Variants in ESRRB observed in about 807,000 individuals in gnomAD.
ESRRB encodes the protein estrogen related receptor beta, also known as steroid hormone receptor ERR2.
ESRRB carries 16 observed loss-of-function variants against 46.0 expected under a neutral mutation model. The ratio of observed to expected loss-of-function variants is 0.35; its 90% CI spans 0.24 to 0.53. The LOEUF (loss-of-function observed/expected upper bound fraction) is 0.53. Among genes scored for constraint, ESRRB ranks in the 20% least tolerant of loss-of-function variants. The pLI is 0.93. For missense variants in ESRRB, 488 were observed against 607.4 expected (o/e 0.80, Z 2.07); for synonymous variants, 246 against 259.6 (o/e 0.95, Z 0.50).
Position 76,439,737 on chromosome 14 carries a change from G to A in ESRRB, c.447G>A (p.Lys149=), listed in dbSNP as rs760684578. ...GCGAGGCTTGCAAGGCCTTCTTCAAGAGGACTATCCAAGGTGCGTGGTGGG... is the reference window on the plus strand; with the variant it reads ...GCGAGGCTTGCAAGGCCTTCTTCAAAAGGACTATCCAAGGTGCGTGGTGGG... ...ASCEACKAFF[K]RTIQGNIEYS... Residue 149 remains lysine (K), a synonymous_variant, in exon 2 of 7, where the codon AAG becomes AAA. Coordinates refer to ENST00000644823, the MANE Select transcript of ESRRB (RefSeq NM_001379180.1). The A allele has an allele frequency of 5.6e-6, 9 of 1,613,848 alleles. No individual in the cohort carries two copies. In the South Asian group the frequency reaches 9.9e-5, roughly 18 times the overall value.
At position 76,500,582 on chromosome 14, in the gene ESRRB, G is replaced by A. The variant is rs1890625149; in HGVS notation, c.*2124G>A. 1 of 1,025,672 alleles carries A rather than the reference G, an allele frequency of 9.7e-7. No individual in the cohort carries two copies. Among genetic ancestry groups the A allele is most frequent in the South Asian group, 1.3e-5 (1 of 78,634 alleles). 63.5% of individuals were successfully genotyped at this position (1,025,672 alleles called of 1,614,324 possible). On this transcript the variant is annotated 3_prime_UTR_variant, in exon 7 of 7. Transcript: ENST00000644823. ...CTCCCTCAGTCTCTCACTGTGCTGT[G>A]TCCTTGCAGCGGGGCCGAGGTAGCA...
intron 1 of ESRRB, among the ~76,000 whole-genome samples, chr14:76,361,400 A>T (rs1014966984): frequency 6.6e-6 from 1 of 152,202 alleles, no homozygotes; most frequent in Non-Finnish European, 1.5e-5. Flanking sequence ...AATAGCCATT[A>T]TCTCTCCATT....
Position 76,376,583 on chromosome 14 carries a change from A to G in ESRRB, c.50+132A>G. 1 of 569,072 alleles carries G rather than the reference A, an allele frequency of 1.8e-6. No homozygotes were observed. Among genetic ancestry groups the G allele is most frequent in the Non-Finnish European group, 2.6e-6 (1 of 382,650 alleles). 35.3% of individuals were successfully genotyped at this position (569,072 alleles called of 1,614,324 possible). On this transcript the variant is annotated intron_variant, in intron 1 of 6. Coordinates refer to ENST00000644823, the MANE Select transcript of ESRRB (RefSeq NM_001379180.1). This position sits in a 1 kb window ranked among gnomAD's most constrained non-coding sequence, Gnocchi z 4.1. Reference sequence around the variant, plus strand: ...ACTTCGGGGGGGCACTTGGGGGACGAAGGAGGGGAAAAGCCGCACACTTCT... The same window carrying G: ...ACTTCGGGGGGGCACTTGGGGGACGGAGGAGGGGAAAAGCCGCACACTTCT...
At chr14:76,438,123 TGA>T (rs1887753619) in intron 1 of ESRRB, among the ~76,000 whole-genome samples, 1 of 151,512 alleles carries the variant, frequency 6.6e-6, no homozygotes, top group Non-Finnish European at 1.5e-5. Flanking sequence ...GGAAGGGAAA[TGA>T]GAGAGGGAGG....
intron 1 of ESRRB, among the ~76,000 whole-genome samples, chr14:76,425,328 G>T (rs562619848): frequency 3.3e-5 from 5 of 152,194 alleles, no homozygotes; most frequent in African/African-American, 1.2e-4. Context: ...TGAGCAAGAT[G>T]TAAATATTTG....
chr14:76,480,796 G>A (rs1164882908), intron 3 of ESRRB, among the ~76,000 whole-genome samples: 1 of 152,244 alleles, frequency 6.6e-6, no homozygotes, highest in Non-Finnish European at 1.5e-5. Context: ...TCAACTGACT[G>A]GGGCTCTGTG....
chr14:76,455,654 T>C (rs1888574313), intron 2 of ESRRB, among the ~76,000 whole-genome samples: 1 of 152,178 alleles, frequency 6.6e-6, no homozygotes, highest in South Asian at 2.1e-4. Flanking sequence ...AGAGGTAAAA[T>C]CGGCAATACC....
chr14:76,317,000 G>T (rs1191632516), intron 1 of ESRRB, among the ~76,000 whole-genome samples: 1 of 152,126 alleles, frequency 6.6e-6, no homozygotes, highest in Non-Finnish European at 1.5e-5. Context: ...CTCTGGTCCC[G>T]GGTGGTACAC....
At chr14:76,464,018 A>G (rs916069016) in intron 3 of ESRRB, among the ~76,000 whole-genome samples, 12 of 152,164 alleles carry the variant, frequency 7.9e-5, no homozygotes, top group African/African-American at 1.4e-4. Context: ...TTTCAGTTTG[A>G]GGAACCTTGT....
At chr14:76,343,866 G>A (rs1458469982) in intron 1 of ESRRB, among the ~76,000 whole-genome samples, 1 of 152,248 alleles carries the variant, frequency 6.6e-6, no homozygotes, top group Non-Finnish European at 1.5e-5. Context: ...TTTCAGCCAT[G>A]AACTACAGAA....
At chr14:76,443,945 G>A (rs73318363) in intron 2 of ESRRB, among the ~76,000 whole-genome samples, 1 of 152,318 alleles carries the variant, frequency 6.6e-6, no homozygotes, top group African/African-American at 2.4e-5. Flanking sequence ...AGAGTTTCAA[G>A]TTCGTAACCA....
intron 2 of ESRRB, among the ~76,000 whole-genome samples, chr14:76,460,690 A>G (rs1341997147): frequency 1.3e-5 from 2 of 149,144 alleles, no homozygotes; most frequent in Admixed American, 6.7e-5. Flanking sequence ...GCTGTTCTTC[A>G]TTTGTACGTT....
chr14:76,485,531 C>G (rs1021661345), intron 5 of ESRRB, among the ~76,000 whole-genome samples: 2 of 151,946 alleles, frequency 1.3e-5, no homozygotes, highest in Non-Finnish European at 2.9e-5. Flanking sequence ...CGTGAGCCAC[C>G]GTGCCTGGCC....
Position 76,498,725 on chromosome 14 carries a change from G to A in ESRRB, c.*267G>A. 1 of 1,180,672 alleles carries A rather than the reference G, an allele frequency of 8.5e-7. No individual in the cohort carries two copies. The highest frequency in any genetic ancestry group is 1.2e-6 in the Non-Finnish European group (1 of 817,614). The allele number at this position is 1,180,672 out of a possible 1,614,324, so 73.1% of individuals were successfully genotyped here. On this transcript the variant is annotated 3_prime_UTR_variant, in exon 7 of 7. Transcript: ENST00000644823. ...TTTCCTTCTCCATGGACGGTGCGGA[G>A]GCCTGGGCCAGGGCTGACTCCCTTC... is the stretch of plus-strand genomic sequence containing the variant.
intron 1 of ESRRB, among the ~76,000 whole-genome samples, chr14:76,341,796 G>A (rs535442040): frequency 6.6e-6 from 1 of 152,354 alleles, no homozygotes; most frequent in Non-Finnish European, 1.5e-5. Flanking sequence ...AGGGAAGTGA[G>A]TAAGGCTGGG....
chr14:76,435,451 T>C (rs1398517327), intron 1 of ESRRB, among the ~76,000 whole-genome samples: 2 of 152,232 alleles, frequency 1.3e-5, no homozygotes, highest in Non-Finnish European at 2.9e-5. Context: ...TCCCATTATC[T>C]GGCCAGCACT....
At chr14:76,438,642 C>T (rs1042544549) in intron 1 of ESRRB, among the ~76,000 whole-genome samples, 4 of 149,160 alleles carry the variant, frequency 2.7e-5, no homozygotes, top group South Asian at 2.1e-4. Flanking sequence ...CCAGCCTAGG[C>T]GACGGAGCGA....
At chr14:76,397,292 C>G (rs1191221331) in intron 1 of ESRRB, among the ~76,000 whole-genome samples, 4 of 152,132 alleles carry the variant, frequency 2.6e-5, no homozygotes, top group Non-Finnish European at 5.9e-5. Context: ...GTAGAGGTGA[C>G]CCAGGACCCC....
intron 1 of ESRRB, among the ~76,000 whole-genome samples, chr14:76,357,653 A>G (rs1449821006): frequency 6.6e-6 from 1 of 152,148 alleles, no homozygotes; most frequent in Non-Finnish European, 1.5e-5. Context: ...AGCTGGTACT[A>G]TGGCATGCAC....
Sources: gnomAD v4.1 joint callset for allele counts (sites outside exome capture counted in the v4.1 genomes callset) on GRCh38, gnomAD v4.1.1 for gene constraint, Gnocchi (gnomAD v3.1) non-coding constraint, MANE v1.5 for transcripts, NCBI Gene and HGNC (gene_info 2026-07-23, HGNC 2026-07-21) for gene names.